Variants in NDUFS4 observed in about 807,000 individuals in gnomAD.
NDUFS4 encodes the protein NADH:ubiquinone oxidoreductase subunit S4, also known as NADH dehydrogenase [ubiquinone] iron-sulfur protein 4, mitochondrial.
In NDUFS4, 28 loss-of-function variants were observed where a neutral mutation model predicts 24.3. That is an observed-to-expected ratio of 1.15 (90% confidence interval 0.85 to 1.58). The LOEUF (loss-of-function observed/expected upper bound fraction) is 1.58, where lower values mean the gene tolerates loss of function less well. Among genes scored for constraint, NDUFS4 ranks in the 40% most tolerant of loss-of-function variants. The pLI is 0.00. For synonymous variants in NDUFS4, 93 were observed against 69.7 expected (o/e 1.34, Z -1.67); for missense variants, 223 against 207.9 (o/e 1.07, Z -0.45).
chr5:53,572,587 G>A (rs539214116), intron 1 of NDUFS4, among the ~76,000 whole-genome samples: 4 of 150,650 alleles, frequency 2.7e-5, no homozygotes, highest in South Asian at 2.1e-4. Flanking sequence ...TTGTGCTTTC[G>A]TTGTTGAGCT....
At chr5:53,652,548 C>T (rs1752049407) in intron 3 of NDUFS4, among the ~76,000 whole-genome samples, 1 of 152,054 alleles carries the variant, frequency 6.6e-6, no homozygotes, top group Admixed American at 6.6e-5. Flanking sequence ...ATAGTGAATA[C>T]ATTTCATTGT....
At chr5:53,653,097 A>T in intron 3 of NDUFS4, among the ~76,000 whole-genome samples, 1 of 152,056 alleles carries the variant, frequency 6.6e-6, no homozygotes, top group Admixed American at 6.5e-5. Flanking sequence ...TGATCATTGG[A>T]CTCAGTACTT....
chr5:53,632,352 T>A (rs1369843374), intron 2 of NDUFS4, among the ~76,000 whole-genome samples: 1 of 152,192 alleles, frequency 6.6e-6, no homozygotes. Flanking sequence ...ATAGAGTTGC[T>A]CTTCTTCTTA....
chr5:53,672,713 G>T (rs1248906836), intron 4 of NDUFS4, among the ~76,000 whole-genome samples: 1 of 151,936 alleles, frequency 6.6e-6, no homozygotes, highest in Non-Finnish European at 1.5e-5. Context: ...ATTTACATAG[G>T]TGTAGCAAGA....
At chr5:53,615,813 T>C (rs772648318) in intron 2 of NDUFS4, among the ~76,000 whole-genome samples, 7 of 152,124 alleles carry the variant, frequency 4.6e-5, no homozygotes, top group Middle Eastern at 3.2e-3. Context: ...AAACAACATA[T>C]AGGATACAGA....
intron 1 of NDUFS4, among the ~76,000 whole-genome samples, chr5:53,599,403 G>A (rs256087): frequency 0.79 from 119,414 of 151,988 alleles, 47,035 homozygotes; most frequent in African/African-American, 0.84. Flanking sequence ...ATTTCTATAC[G>A]TTTCTGTTAA....
chr5:53,602,469 TTTAAA>T (rs1750356102), intron 1 of NDUFS4, among the ~76,000 whole-genome samples: 2 of 152,188 alleles, frequency 1.3e-5, no homozygotes, highest in South Asian at 4.1e-4. Flanking sequence ...TTATGTTATC[TTTAAA>T]TTATAATTAA....
chr5:53,647,747 A>G (rs1459018712), intron 3 of NDUFS4, among the ~76,000 whole-genome samples: 2 of 152,218 alleles, frequency 1.3e-5, no homozygotes, highest in Non-Finnish European at 2.9e-5. Flanking sequence ...AGGTAGTTAT[A>G]AACTTAAATT....
At chr5:53,585,533 G>A (rs1055089220) in intron 1 of NDUFS4, among the ~76,000 whole-genome samples, 3 of 152,062 alleles carry the variant, frequency 2.0e-5, no homozygotes, top group Non-Finnish European at 4.4e-5. Flanking sequence ...ATCACCTGAG[G>A]TCAGGAGTTC....
chr5:53,663,102 G>T (rs1471405889), intron 4 of NDUFS4, among the ~76,000 whole-genome samples: 1 of 152,054 alleles, frequency 6.6e-6, no homozygotes, highest in Non-Finnish European at 1.5e-5. Flanking sequence ...TCAGGAGCAG[G>T]TTGTTCAGTT....
intron 4 of NDUFS4, among the ~76,000 whole-genome samples, chr5:53,682,491 A>C (rs982268647): frequency 4.0e-5 from 6 of 151,564 alleles, no homozygotes; most frequent in Non-Finnish European, 8.8e-5. Context: ...GCTCTTTATC[A>C]GGTACTCCCA....
At chr5:53,681,443 A>G (rs563651737) in intron 4 of NDUFS4, among the ~76,000 whole-genome samples, 3 of 152,238 alleles carry the variant, frequency 2.0e-5, no homozygotes, top group Admixed American at 2.0e-4. Flanking sequence ...AGTACAAGAC[A>G]TGTACTTTAA....
chr5:53,659,077 C>T (rs980092365), intron 4 of NDUFS4, among the ~76,000 whole-genome samples: 19 of 152,122 alleles, frequency 1.2e-4, no homozygotes, highest in African/African-American at 3.4e-4. Context: ...GTCTTATTGC[C>T]TGTAAAATTT....
intron 4 of NDUFS4, among the ~76,000 whole-genome samples, chr5:53,677,088 C>T (rs1001147435): frequency 3.3e-5 from 5 of 152,140 alleles, no homozygotes; most frequent in Admixed American, 6.6e-5. Flanking sequence ...TTCTAAATTT[C>T]TAATGGCTGA....
chr5:53,651,612 GCA>G (rs1284583229), intron 3 of NDUFS4, among the ~76,000 whole-genome samples: 1 of 151,820 alleles, frequency 6.6e-6, no homozygotes, highest in Admixed American at 6.6e-5. Flanking sequence ...ATTTAATGGA[GCA>G]AAGAGAATGT....
At chr5:53,620,720 A>G (rs977989381) in intron 2 of NDUFS4, among the ~76,000 whole-genome samples, 1 of 152,206 alleles carries the variant, frequency 6.6e-6, no homozygotes, top group Non-Finnish European at 1.5e-5. Context: ...CAAGGTAAAC[A>G]TCATCCTCTG....
intron 4 of NDUFS4, among the ~76,000 whole-genome samples, chr5:53,679,234 C>T (rs1302331646): frequency 2.0e-5 from 3 of 152,062 alleles, no homozygotes; most frequent in African/African-American, 7.2e-5. Flanking sequence ...CACAGAAAAA[C>T]GGGAAGATAA....
At chr5:53,570,445 G>A (rs1171397529) in intron 1 of NDUFS4, among the ~76,000 whole-genome samples, 1 of 152,090 alleles carries the variant, frequency 6.6e-6, no homozygotes, top group East Asian at 1.9e-4. Flanking sequence ...AATTATTTCA[G>A]GTTTTTGGCA....
At chr5:53,594,383 G>GTCTT (rs1385765356) in intron 1 of NDUFS4, among the ~76,000 whole-genome samples, 1 of 151,980 alleles carries the variant, frequency 6.6e-6, no homozygotes, top group Non-Finnish European at 1.5e-5. Flanking sequence ...AACATGCTAT[G>GTCTT]TCTTTTTCCA....
Sources: gnomAD v4.1 joint callset for allele counts (sites outside exome capture counted in the v4.1 genomes callset) on GRCh38, gnomAD v4.1.1 for gene constraint, MANE v1.5 for transcripts, NCBI Gene and HGNC (gene_info 2026-07-23, HGNC 2026-07-21) for gene names.